ZNF85: variants seen among roughly 807,000 people sequenced by gnomAD.
ZNF85 encodes zinc finger protein 85 (HPF4, HTF1).
In ZNF85, 50 loss-of-function variants were observed where a neutral mutation model predicts 53.9. The ratio of observed to expected loss-of-function variants is 0.93; its 90% CI spans 0.74 to 1.17. ZNF85 has a LOEUF of 1.17. ZNF85 is among the 50% of genes most tolerant of loss of function. The pLI is 0.00. For missense variants in ZNF85, 747 were observed against 688.5 expected, an observed-to-expected ratio of 1.08 and a Z score of -0.95; for synonymous variants, 225 against 226.1, an observed-to-expected ratio of 1.00 and a Z score of 0.04.
intron 3 of ZNF85, chr19:20,942,683 T>G (rs1973325348): frequency 3.5e-6 from 2 of 572,006 alleles, no homozygotes; most frequent in Non-Finnish European, 6.2e-6. Context: ...TAATTTTGGA[T>G]TTTCCAGTTT....
chr19:20,923,952 G>T (rs997714765), intron 1 of ZNF85, among the ~76,000 whole-genome samples: 6 of 151,990 alleles, frequency 3.9e-5, no homozygotes. Flanking sequence ...GGGCGTCGTG[G>T]CGCGCGCCTG....
chr19:20,933,361 C>G (rs1973072747), intron 1 of ZNF85, among the ~76,000 whole-genome samples: 1 of 149,074 alleles, frequency 6.7e-6, no homozygotes, highest in Non-Finnish European at 1.5e-5. Context: ...AGCAGCTGCC[C>G]TTTTTTCTTA....
chr19:20,931,130 G>A (rs554578145), intron 1 of ZNF85, among the ~76,000 whole-genome samples: 3 of 152,304 alleles, frequency 2.0e-5, no homozygotes, highest in African/African-American at 7.2e-5. Context: ...AGAGTGCTGA[G>A]TGTAAGGGAA....
intron 1 of ZNF85, among the ~76,000 whole-genome samples, chr19:20,931,620 CT>C (rs1156835317): frequency 0.02 from 2,343 of 119,424 alleles, 14 homozygotes; most frequent in Non-Finnish European, 0.029. Flanking sequence ...TTTTCTTTTT[CT>C]TTTTTTTTTT....
Position 20,949,760 on chromosome 19 carries a change from CAT to C in ZNF85, c.1248_1249del (p.His416GlnfsTer13), listed in dbSNP as rs1973528002. 7 of 1,611,812 alleles carry C rather than the reference CAT, an allele frequency of 4.3e-6. No homozygotes were observed. Among genetic ancestry groups the C allele is most frequent in the South Asian group, 1.1e-5 (1 of 90,798 alleles). Reference protein sequence around the residue: ...AFKHSSTLTKHKIIHTGEKPY... With the variant: ...AFKHSSTLTKXKIIHTGEKPY... The stretch of plus-strand genomic sequence containing the variant: ...TAAACACTCTTCAACCCTTACTAAA[CAT>C]AAGATAATTCATACTGGAGAGAAGC... On this transcript the variant is annotated frameshift_variant, in exon 4 of 4. Coordinates refer to ENST00000328178, the MANE Select transcript of ZNF85 (RefSeq NM_003429.5). LOFTEE classifies it high-confidence loss of function.
At chr19:20,935,070 A>G (rs1484121304) in intron 3 of ZNF85, 23 bp downstream of exon 3, 5 of 1,527,372 alleles carry the variant, frequency 3.3e-6, no homozygotes, top group Non-Finnish European at 4.5e-6. Context: ...GAAAATGAAT[A>G]CAGCAGATGA....
In ZNF85 at chr19:20,949,257, A is replaced by T; in HGVS notation, c.743A>T (p.His248Leu). ...AFNQSSNLIK[H>L]KKIHTGEKPY... The stretch of plus-strand genomic sequence containing the variant: ...AACCAGTCCTCAAACCTTATTAAAC[A>T]TAAGAAAATTCATACTGGAGAGAAA... The change falls in exon 4 of 4, where the codon CAT (histidine) becomes CTT (leucine). Residue 248 changes from histidine to leucine, a missense_variant. Coordinates refer to ENST00000328178, the MANE Select transcript of ZNF85 (RefSeq NM_003429.5). 1 of 1,612,986 alleles carries T rather than the reference A, an allele frequency of 6.2e-7. No homozygotes were observed. The highest frequency in any genetic ancestry group is 8.5e-7 in the Non-Finnish European group (1 of 1,179,580).
intron 3 of ZNF85, 74 bp downstream of exon 3, chr19:20,935,121 A>C: frequency 1.0e-6 from 1 of 957,252 alleles, no homozygotes; most frequent in Non-Finnish European, 1.6e-6. Flanking sequence ...GCCAGTCCTT[A>C]AAATGTGATT....
chr19:20,946,752 T>A (rs1474824436), intron 3 of ZNF85, among the ~76,000 whole-genome samples: 4 of 152,100 alleles, frequency 2.6e-5, no homozygotes, highest in Admixed American at 2.6e-4. Flanking sequence ...TACTTAGACC[T>A]CTTCTGCTCT....
chr19:20,946,877 A>AT lies in ZNF85; in HGVS notation c.230-1860dup, dbSNP rs533769492. Among the ~76,000 whole-genome samples, 630 of 151,870 alleles carry AT rather than the reference A, an allele frequency of 4.1e-3. 4 individuals are homozygous for AT. Among genetic ancestry groups the AT allele is most frequent in the African/African-American group, 0.014 (591 of 41,448 alleles). On this transcript the variant is annotated intron_variant, in intron 3 of 3. Coordinates refer to ENST00000328178, the MANE Select transcript of ZNF85 (RefSeq NM_003429.5). The stretch of plus-strand genomic sequence containing the variant: ...AAGGCAAGTTGAATCCTGGTTTTTA[A>AT]TTTTTTTAATAAATCCCTTTATTGA...
chr19:20,927,161 A>T (rs1972898576), intron 1 of ZNF85: 1 of 152,194 alleles, frequency 6.6e-6, no homozygotes, highest in Non-Finnish European at 1.5e-5. Flanking sequence ...TTTGATTAAG[A>T]AGTATTTTAT....
intron 3 of ZNF85, among the ~76,000 whole-genome samples, chr19:20,947,365 A>G (rs1973445160): frequency 6.6e-6 from 1 of 151,564 alleles, no homozygotes; most frequent in Non-Finnish European, 1.5e-5. Context: ...AAGGAATTCT[A>G]ATTTTGGATA....
chr19:20,930,121 A>C (rs373686549), intron 1 of ZNF85, among the ~76,000 whole-genome samples: 2 of 23,540 alleles, frequency 8.5e-5, no homozygotes, highest in African/African-American at 2.4e-4. Flanking sequence ...ACTCCGTCCC[A>C]AAAAAAAAAA....
In ZNF85 at chr19:20,949,530, A is replaced by G; in HGVS notation, c.1016A>G (p.Glu339Gly). The change falls in exon 4 of 4, where the codon GAG becomes GGG. Residue 339 changes from glutamate to glycine, a missense_variant. Transcript: ENST00000328178. ...ACACATAAGATAATTCATACTGGAGAGAAACCCTACAAATGTAAAAAATGT... is the reference window on the plus strand; with the variant it reads ...ACACATAAGATAATTCATACTGGAGGGAAACCCTACAAATGTAAAAAATGT... ...LTTHKIIHTG[E>G]KPYKCKKCGK... 1 of 1,613,408 alleles carries G rather than the reference A, an allele frequency of 6.2e-7. No individual in the cohort carries two copies.
chr19:20,944,797 TTTATA>T (rs1210254187), intron 3 of ZNF85, among the ~76,000 whole-genome samples: 16 of 152,224 alleles, frequency 1.1e-4, no homozygotes, highest in Admixed American at 9.2e-4. Context: ...GATGTTTTAG[TTTATA>T]TTATAATTGT....
At chr19:20,935,593 G>T (rs1455202703) in intron 3 of ZNF85, among the ~76,000 whole-genome samples, 1 of 151,622 alleles carries the variant, frequency 6.6e-6, no homozygotes, top group Non-Finnish European at 1.5e-5. Context: ...GCTATTCAAA[G>T]TTTATTATAG....
chr19:20,940,066 C>T (rs1973257985), intron 3 of ZNF85, among the ~76,000 whole-genome samples: 1 of 150,708 alleles, frequency 6.6e-6, no homozygotes, highest in Admixed American at 6.6e-5. Context: ...CTTATTTTTA[C>T]CATGCGTTTA....
chr19:20,934,316 A>G (rs1412233679), intron 2 of ZNF85, among the ~76,000 whole-genome samples, 166 bp downstream of exon 2: 1 of 152,178 alleles, frequency 6.6e-6, no homozygotes, highest in Non-Finnish European at 1.5e-5. Context: ...TTTCTGCAAG[A>G]TGTTTCATTT....
At chr19:20,927,133 G>A (rs1445323907) in intron 1 of ZNF85, 2 of 151,986 alleles carry the variant, frequency 1.3e-5, no homozygotes, top group Admixed American at 1.3e-4. Flanking sequence ...GAGCCTGTGG[G>A]AAAAAAATAA....
Sources: allele counts gnomAD v4.1 joint callset (sites outside exome capture counted in the v4.1 genomes callset), GRCh38; gene constraint gnomAD v4.1.1; transcripts MANE v1.5; gene names NCBI Gene and HGNC (gene_info 2026-07-23, HGNC 2026-07-21).